The following CDKL4 variants were observed in gnomAD, a reference collection of about 807,000 sequenced individuals.
CDKL4 encodes the protein cyclin dependent kinase like 4, also known as cyclin-dependent kinase-like 4.
Under a neutral mutation model 42.0 loss-of-function variants are expected in CDKL4, and 44 were observed. The observed-to-expected ratio is 1.05, with a 90% CI of 0.82 to 1.35. CDKL4 has a LOEUF of 1.35. Ranked by LOEUF, CDKL4 falls within the 40% of genes most tolerant of loss-of-function variation. The probability of loss-of-function intolerance (pLI) is 0.00; values close to 1 mark genes in which losing one functional copy is unlikely to be tolerated. For synonymous variants in CDKL4, 120 were observed against 121.6 expected, an observed-to-expected ratio of 0.99 and a Z score of 0.09; for missense variants, 393 against 369.9, an observed-to-expected ratio of 1.06 and a Z score of -0.51.
intron 8 of CDKL4, among the ~76,000 whole-genome samples, chr2:39,181,745 A>C (rs1308582781): frequency 6.6e-6 from 1 of 152,162 alleles, no homozygotes; most frequent in Non-Finnish European, 1.5e-5. Context: ...TGATGGAGGT[A>C]GAAATTGGAG....
chr2:39,183,251 G>C (rs763777193), intron 8 of CDKL4, among the ~76,000 whole-genome samples: 11 of 134,996 alleles, frequency 8.1e-5, no homozygotes, highest in African/African-American at 1.7e-4. Flanking sequence ...CTGGGCGACA[G>C]AGCAAGACTC....
At chr2:39,215,418 T>C (rs1398677426) in intron 3 of CDKL4, among the ~76,000 whole-genome samples, 1 of 152,240 alleles carries the variant, frequency 6.6e-6, no homozygotes. Flanking sequence ...CTCAGTGTTG[T>C]TTGTCTTTCA....
chr2:39,229,328 T>C (rs1305851621), intron 2 of CDKL4, 37 bp downstream of exon 2: 1 of 1,402,822 alleles, frequency 7.1e-7, no homozygotes, highest in Non-Finnish European at 9.7e-7. Flanking sequence ...TTTCACTCAA[T>C]TCCATGATAT....
chr2:39,211,624 T>C (rs775759459), intron 4 of CDKL4, among the ~76,000 whole-genome samples: 4 of 151,892 alleles, frequency 2.6e-5, no homozygotes, highest in Non-Finnish European at 4.4e-5. Context: ...CCAGAGTCCA[T>C]GAGGATGAGT....
intron 3 of CDKL4, among the ~76,000 whole-genome samples, chr2:39,221,528 G>C (rs1049795427): frequency 6.6e-6 from 1 of 152,234 alleles, no homozygotes; most frequent in East Asian, 1.9e-4. Context: ...ATTAATCATT[G>C]TTATCTAGAA....
chr2:39,226,451 A>G (rs1678735504), intron 2 of CDKL4, among the ~76,000 whole-genome samples: 1 of 140,380 alleles, frequency 7.1e-6, no homozygotes, highest in African/African-American at 2.6e-5. Context: ...TATATTATAT[A>G]TATATTATAT....
chr2:39,204,193 C>T (rs546439857), intron 5 of CDKL4, among the ~76,000 whole-genome samples: 2 of 152,298 alleles, frequency 1.3e-5, no homozygotes, highest in African/African-American at 4.8e-5. Context: ...ACCGTCTGCA[C>T]CTTCACTTTA....
upstream of CDKL4, among the ~76,000 whole-genome samples, chr2:39,244,941 G>A (rs1679846737): frequency 6.6e-6 from 1 of 151,832 alleles, no homozygotes; most frequent in Non-Finnish European, 1.5e-5. Context: ...TCGCTACTCT[G>A]TATCTAACTG....
intron 8 of CDKL4, among the ~76,000 whole-genome samples, chr2:39,180,058 C>T (rs1675346947): frequency 6.6e-6 from 1 of 152,082 alleles, no homozygotes; most frequent in South Asian, 2.1e-4. Context: ...ACTGATACTC[C>T]AGCCAGACAG....
chr2:39,240,140 T>G (rs1679586882), intron 1 of CDKL4, among the ~76,000 whole-genome samples: 1 of 151,420 alleles, frequency 6.6e-6, no homozygotes, highest in Non-Finnish European at 1.5e-5. Context: ...CCAGGCGTGG[T>G]GGCTCACGCC....
chr2:39,169,304 C>G, the CDKL4 span, among the ~76,000 whole-genome samples: 1 of 152,100 alleles, frequency 6.6e-6, no homozygotes, highest in African/African-American at 2.4e-5. Flanking sequence ...GCTTCAAAAC[C>G]CATTTTCATT....
chr2:39,216,478 C>G (rs1677924309), intron 3 of CDKL4, among the ~76,000 whole-genome samples: 2 of 152,092 alleles, frequency 1.3e-5, no homozygotes, highest in South Asian at 4.2e-4. Context: ...AATTCAAAAC[C>G]ATTGAAAGAA....
chr2:39,177,406 T>G (rs1445961699), intron 9 of CDKL4, among the ~76,000 whole-genome samples: 5 of 150,244 alleles, frequency 3.3e-5, no homozygotes, highest in Non-Finnish European at 5.9e-5. Flanking sequence ...CCAGTGAGTT[T>G]TTTTTTTTTT....
intron 3 of CDKL4, among the ~76,000 whole-genome samples, chr2:39,225,456 T>A (rs1470820450): frequency 6.6e-6 from 1 of 150,946 alleles, no homozygotes; most frequent in African/African-American, 2.5e-5. Flanking sequence ...TAAAAAAAAA[T>A]CAGGAAAGGA....
At chr2:39,228,670 G>A (rs1298784787) in intron 2 of CDKL4, among the ~76,000 whole-genome samples, 1 of 152,026 alleles carries the variant, frequency 6.6e-6, no homozygotes, top group East Asian at 1.9e-4. Context: ...CAAGGTCCCC[G>A]GGGATTCCAA....
At chr2:39,184,635 C>T in exon 8 of CDKL4, 4 of 1,611,082 alleles carry the variant, frequency 2.5e-6, no homozygotes, top group Non-Finnish European at 2.5e-6. Flanking sequence ...GAGAACTTTT[C>T]CTCAAGAGTT....
At chr2:39,174,573 A>G (rs1004665162), downstream of CDKL4, among the ~76,000 whole-genome samples, 1 of 152,236 alleles carries the variant, frequency 6.6e-6, no homozygotes, top group African/African-American at 2.4e-5. Context: ...TTCAACAACA[A>G]TATATCCTTA....
In CDKL4 at chr2:39,187,725, C is replaced by G. The variant is rs772768569; in HGVS notation, c.653-16G>C. The G allele has an allele frequency of 6.5e-7, 1 of 1,546,038 alleles. No individual in the cohort carries two copies. The highest frequency in any genetic ancestry group is 8.9e-7 in the Non-Finnish European group (1 of 1,121,116). On this transcript the variant is annotated splice_polypyrimidine_tract_variant and intron_variant, in intron 6 of 9. Coordinates refer to ENST00000451199, the Ensembl canonical transcript of CDKL4. ...ATTAATTTTCCTGTAAAATACAAACCACATAATTCATCATAAATTTGGCAA... is the reference window on the plus strand; with the variant it reads ...ATTAATTTTCCTGTAAAATACAAACGACATAATTCATCATAAATTTGGCAA...
chr2:39,178,056 C>A (rs994590005), intron 9 of CDKL4, among the ~76,000 whole-genome samples: 1 of 152,180 alleles, frequency 6.6e-6, no homozygotes, highest in Non-Finnish European at 1.5e-5. Context: ...GCTGCCTCAG[C>A]GATCTTTAAT....
Sources: allele counts gnomAD v4.1 joint callset (sites outside exome capture counted in the v4.1 genomes callset), GRCh38; gene constraint gnomAD v4.1.1; transcripts MANE v1.5; gene names NCBI Gene and HGNC (gene_info 2026-07-23, HGNC 2026-07-21).